Variants in SAMD4A observed in about 807,000 individuals in gnomAD.
SAMD4A encodes the protein sterile alpha motif domain containing 4A.
SAMD4A carries 33 observed loss-of-function variants against 81.3 expected under a neutral mutation model. That is an observed-to-expected ratio of 0.41 (90% CI 0.31 to 0.54). SAMD4A has a LOEUF of 0.54. Among genes scored for constraint, SAMD4A ranks in the 20% least tolerant of loss-of-function variants. The probability of loss-of-function intolerance (pLI) is 0.37; values close to 1 mark genes in which losing one functional copy is unlikely to be tolerated. For synonymous variants in SAMD4A, 389 were observed against 382.1 expected (o/e 1.02, Z -0.21); for missense variants, 854 against 951.1 (o/e 0.90, Z 1.34).
chr14:54,771,045 T>C (rs1286683589), intron 9 of SAMD4A, among the ~76,000 whole-genome samples: 1 of 152,172 alleles, frequency 6.6e-6, no homozygotes, highest in African/African-American at 2.4e-5. Context: ...TCTCGGTGCA[T>C]GTATAGAAGC....
At chr14:54,722,251 T>C (rs2037279098) in intron 3 of SAMD4A, among the ~76,000 whole-genome samples, 1 of 152,140 alleles carries the variant, frequency 6.6e-6, no homozygotes, top group Non-Finnish European at 1.5e-5. Context: ...ACAGCTAATA[T>C]GAGAAGGATA....
intron 2 of SAMD4A, among the ~76,000 whole-genome samples, chr14:54,573,946 A>G (rs1218086043): frequency 6.6e-6 from 1 of 152,220 alleles, no homozygotes; most frequent in Admixed American, 6.5e-5. Context: ...CCCATTCCAC[A>G]TATCAACATT....
At position 54,784,616 on chromosome 14, in the gene SAMD4A, G is replaced by A; in HGVS notation, c.2124G>A (p.Leu708=). 6.2e-7 allele frequency: 1 copy of A among 1,613,560 alleles called. No homozygotes were observed. The highest frequency in any genetic ancestry group is 8.5e-7 in the Non-Finnish European group (1 of 1,179,492). The change falls in exon 12 of 13, where the codon CTG becomes CTA. Residue 708 remains leucine, a synonymous_variant. Coordinates refer to ENST00000554335, the MANE Select transcript of SAMD4A (RefSeq NM_015589.6). The part of the protein sequence containing the change: ...SLCLSMTEHA[L]GDGVDRTSTI ...GCCTCAGTATGACCGAACACGCCCT[G>A]GGAGGTGAGTGTGTTCTTCCTGCAT... is the stretch of plus-strand genomic sequence containing the variant.
intron 3 of SAMD4A, among the ~76,000 whole-genome samples, chr14:54,728,173 T>G (rs1195442562): frequency 6.6e-6 from 1 of 152,204 alleles, no homozygotes; most frequent in Non-Finnish European, 1.5e-5. Context: ...TGAGAGCAAT[T>G]ACGTAAATGC....
intron 2 of SAMD4A, among the ~76,000 whole-genome samples, chr14:54,661,676 G>T (rs1393526540): frequency 6.6e-6 from 1 of 152,166 alleles, no homozygotes; most frequent in East Asian, 1.9e-4. Flanking sequence ...CACACCCAGA[G>T]ATTCAGCCGA....
intron 4 of SAMD4A, among the ~76,000 whole-genome samples, chr14:54,746,682 T>C (rs748487566): frequency 2.0e-5 from 3 of 152,216 alleles, no homozygotes; most frequent in African/African-American, 7.2e-5. Context: ...TCATCATCAA[T>C]GGATTTTGCA....
chr14:54,703,792 C>T (rs897160700), intron 3 of SAMD4A: 10 of 152,132 alleles, frequency 6.6e-5, no homozygotes, highest in African/African-American at 2.4e-4. Flanking sequence ...TCACTTGAAC[C>T]CAAGAGGCAG....
chr14:54,695,192 C>A (rs561536517), intron 2 of SAMD4A, among the ~76,000 whole-genome samples: 1 of 152,304 alleles, frequency 6.6e-6, no homozygotes, highest in East Asian at 1.9e-4. Context: ...AACAAACTAC[C>A]CTAAAACTTA....
intron 3 of SAMD4A, chr14:54,703,134 TG>T (rs2036763153): frequency 6.4e-6 from 1 of 157,160 alleles, no homozygotes; most frequent in Non-Finnish European, 1.4e-5. Context: ...TCCTGACCAG[TG>T]GGAGCAGGTT....
chr14:54,682,819 C>G (rs979287572), intron 2 of SAMD4A, among the ~76,000 whole-genome samples: 1 of 152,192 alleles, frequency 6.6e-6, no homozygotes, highest in Admixed American at 6.5e-5. Context: ...TTCAGACATT[C>G]AGTGACTTAT....
intron 2 of SAMD4A, among the ~76,000 whole-genome samples, chr14:54,615,014 G>A (rs546655263): frequency 6.6e-6 from 1 of 152,224 alleles, no homozygotes; most frequent in Non-Finnish European, 1.5e-5. Context: ...CTAACAAAAG[G>A]GTGGTCAGAT....
chr14:54,681,584 T>C lies in SAMD4A; in HGVS notation c.197-20478T>C, dbSNP rs535631339. On this transcript the variant is annotated intron_variant, in intron 2 of 12. Transcript: ENST00000554335. ...AACTGGGACTACAGGCATGCACTAC[T>C]ATGCCCAGCTAATTTTTAAAAATCT... 2.0e-5 allele frequency among the ~76,000 whole-genome samples: 3 copies of C among 152,200 alleles called. No homozygotes were observed. In the East Asian group the frequency reaches 5.8e-4, roughly 29 times the overall value.
intron 4 of SAMD4A, among the ~76,000 whole-genome samples, chr14:54,744,444 A>G (rs994546018): frequency 1.3e-5 from 2 of 152,242 alleles, no homozygotes; most frequent in Admixed American, 1.3e-4. Context: ...AAAAGGAAAT[A>G]GAAATCAGCA....
chr14:54,789,189 G>T lies in SAMD4A; in HGVS notation c.*245G>T. ...GGTTTGGTGTGTGGGGTGGGGAGGG[G>T]TCTCTAGGGAATTATGAGACTGGGA... On this transcript the variant is annotated 3_prime_UTR_variant, in exon 13 of 13. Transcript: ENST00000554335. 10 of 451,658 alleles carry T rather than the reference G, an allele frequency of 2.2e-5. No individual in the cohort carries two copies. Among genetic ancestry groups the T allele is most frequent in the East Asian group, 4.0e-5 (1 of 24,696 alleles). The allele number at this position is 451,658 out of a possible 1,614,324, so 28.0% of individuals were successfully genotyped here.
chr14:54,699,340 T>G (rs2036654908), intron 2 of SAMD4A, among the ~76,000 whole-genome samples: 1 of 152,180 alleles, frequency 6.6e-6, no homozygotes, highest in South Asian at 2.1e-4. Context: ...TTGTCTTGTG[T>G]CAGGTGGCAA....
At chr14:54,600,155 A>T (rs1359208176) in intron 2 of SAMD4A, among the ~76,000 whole-genome samples, 1 of 152,156 alleles carries the variant, frequency 6.6e-6, no homozygotes, top group Admixed American at 6.5e-5. Context: ...TTTTTAAATT[A>T]TAGCTAAATG....
At chr14:54,738,293 C>T (rs185043952) in intron 4 of SAMD4A, among the ~76,000 whole-genome samples, 1 of 152,286 alleles carries the variant, frequency 6.6e-6, no homozygotes, top group East Asian at 1.9e-4. Context: ...GGAAGCCTGG[C>T]ACAGAAAGCA....
At chr14:54,762,696 C>T (rs1031706595) in intron 7 of SAMD4A, among the ~76,000 whole-genome samples, 1 of 152,190 alleles carries the variant, frequency 6.6e-6, no homozygotes, top group African/African-American at 2.4e-5. Flanking sequence ...CCCCAGTTAA[C>T]ACTCAGCATA....
intron 2 of SAMD4A, among the ~76,000 whole-genome samples, chr14:54,604,556 C>T (rs925979213): frequency 5.9e-5 from 9 of 152,170 alleles, no homozygotes; most frequent in African/African-American, 2.2e-4. Context: ...CAATTTTATT[C>T]CTGGGACGTC....
Sources: allele counts gnomAD v4.1 joint callset (sites outside exome capture counted in the v4.1 genomes callset), GRCh38; gene constraint gnomAD v4.1.1; transcripts MANE v1.5; gene names NCBI Gene and HGNC (gene_info 2026-07-23, HGNC 2026-07-21).